BICRAL: variants seen among roughly 807,000 people sequenced by gnomAD.
The protein encoded by BICRAL is BRD4-interacting chromatin-remodeling complex-associated protein-like.
BICRAL carries 8 observed loss-of-function variants against 91.8 expected under a neutral mutation model. The observed-to-expected ratio is 0.09, with a 90% CI of 0.05 to 0.16. BICRAL has a LOEUF of 0.16. Among genes scored for constraint, BICRAL ranks in the 10% least tolerant of loss-of-function variants. BICRAL has a pLI of 1.00. For synonymous variants in BICRAL, 445 were observed against 491.1 expected (o/e 0.91, Z 1.24); for missense variants, 1,038 against 1,310.9 (o/e 0.79, Z 3.21).
chr6:42,805,214 GGAA>G (rs1763674061), intron 1 of BICRAL, among the ~76,000 whole-genome samples: 1 of 152,152 alleles, frequency 6.6e-6, no homozygotes, highest in South Asian at 2.1e-4. Flanking sequence ...ACATGGGAGA[GGAA>G]GAAGAGCATT....
chr6:42,759,020 T>C (rs551745147), intron 1 of BICRAL, among the ~76,000 whole-genome samples: 329 of 152,346 alleles, frequency 2.2e-3, no homozygotes, highest in Non-Finnish European at 3.8e-3. Context: ...CTCATTGATA[T>C]CTCGTGGAGG....
chr6:42,848,843 A>T (rs1489720441), intron 6 of BICRAL, among the ~76,000 whole-genome samples: 1 of 152,134 alleles, frequency 6.6e-6, no homozygotes. Context: ...ATGACAAAAC[A>T]ATTAATTATA....
At chr6:42,822,911 C>G (rs761545215) in intron 4 of BICRAL, 24 bp from the exon 5 acceptor site, 3 of 1,556,252 alleles carry the variant, frequency 1.9e-6, no homozygotes, top group Non-Finnish European at 2.7e-6. Context: ...GTAGTAACCA[C>G]CTATTGAATT....
intron 1 of BICRAL, among the ~76,000 whole-genome samples, chr6:42,801,938 A>G (rs543342949): frequency 1.3e-5 from 2 of 152,294 alleles, no homozygotes; most frequent in African/African-American, 4.8e-5. Flanking sequence ...TTGCATTAGG[A>G]AAAACATAAA....
At chr6:42,751,248 A>C (rs1303259807) in intron 1 of BICRAL, among the ~76,000 whole-genome samples, 1 of 151,804 alleles carries the variant, frequency 6.6e-6, no homozygotes, top group Non-Finnish European at 1.5e-5. Flanking sequence ...CATTGGCCTC[A>C]GGCGTGGGAG....
chr6:42,796,862 C>T (rs1489826210), intron 1 of BICRAL, among the ~76,000 whole-genome samples: 1 of 151,958 alleles, frequency 6.6e-6, no homozygotes, highest in African/African-American at 2.4e-5. Context: ...GCCTGACCAA[C>T]ATGGAGAACC....
chr6:42,844,150 G>A (rs931067532), intron 6 of BICRAL, among the ~76,000 whole-genome samples: 1 of 150,684 alleles, frequency 6.6e-6, no homozygotes, highest in Non-Finnish European at 1.5e-5. Flanking sequence ...AATGGACCAA[G>A]GAGAGCATAT....
Position 42,830,165 on chromosome 6 carries a change from T to A in BICRAL, c.1832T>A (p.Phe611Tyr). 1 of 1,614,048 alleles carries A rather than the reference T, an allele frequency of 6.2e-7. No individual in the cohort carries two copies. Among genetic ancestry groups the A allele is most frequent in the Non-Finnish European group, 8.5e-7 (1 of 1,179,900 alleles). Residue 611 changes from phenylalanine (F) to tyrosine (Y), a missense_variant, in exon 6 of 13, where the codon TTC becomes TAC. Physicochemically the swap from Phe to Tyr is conservative, Grantham distance 22 (BLOSUM62 3). Transcript: ENST00000314073. ...TPGTGTQQQF[F>Y]CQAQKKCLNQ... ...GGAACAGGAACCCAGCAACAATTCT[T>A]CTGCCAGGTAATGCCCTTTCCCAAA...
At chr6:42,793,318 T>G (rs1237285930) in intron 1 of BICRAL, among the ~76,000 whole-genome samples, 1 of 112,838 alleles carries the variant, frequency 8.9e-6, no homozygotes, top group Admixed American at 9.0e-5. Flanking sequence ...TTTTTTTTTT[T>G]TTTTTTTGTA....
chr6:42,844,890 CAG>C (rs753631056), intron 6 of BICRAL, among the ~76,000 whole-genome samples: 20 of 152,010 alleles, frequency 1.3e-4, no homozygotes, highest in African/African-American at 2.2e-4. Flanking sequence ...TCTTTGTAGA[CAG>C]AGGAGGGACA....
At chr6:42,849,514 A>C (rs2114008880) in intron 6 of BICRAL, among the ~76,000 whole-genome samples, 1 of 146,406 alleles carries the variant, frequency 6.8e-6, no homozygotes, top group Non-Finnish European at 1.5e-5. Context: ...ATCTTGGCTC[A>C]CTGCAAGTTC....
At chr6:42,806,864 C>T (rs1763721344) in intron 1 of BICRAL, among the ~76,000 whole-genome samples, 1 of 150,738 alleles carries the variant, frequency 6.6e-6, no homozygotes, top group South Asian at 2.1e-4. Context: ...GAGTTTTGCT[C>T]TTGTCATCCA....
intron 1 of BICRAL, among the ~76,000 whole-genome samples, chr6:42,809,884 T>G (rs1763807735): frequency 6.6e-6 from 1 of 152,144 alleles, no homozygotes; most frequent in Non-Finnish European, 1.5e-5. Flanking sequence ...CCTCCCAGGT[T>G]CAACCAATTC....
At chr6:42,863,442 A>G (rs991465148) in intron 12 of BICRAL, among the ~76,000 whole-genome samples, 1 of 152,096 alleles carries the variant, frequency 6.6e-6, no homozygotes. Context: ...TTGTCCTTCC[A>G]TATCATTTTG....
At chr6:42,771,270 CGGGCCGCCGCTG>C (rs1343165079) in intron 1 of BICRAL, among the ~76,000 whole-genome samples, 1 of 152,238 alleles carries the variant, frequency 6.6e-6, no homozygotes, top group Non-Finnish European at 1.5e-5. Flanking sequence ...CCTCCCCCTG[CGGGCCGCCGCTG>C]CGCCCGTGCA....
At chr6:42,854,501 T>C (rs1344194291) in intron 8 of BICRAL, among the ~76,000 whole-genome samples, 1 of 151,728 alleles carries the variant, frequency 6.6e-6, no homozygotes, top group African/African-American at 2.4e-5. Context: ...GCTGGGTTTT[T>C]TGTTTTGTTT....
intron 1 of BICRAL, among the ~76,000 whole-genome samples, chr6:42,775,076 G>A (rs1582808250): frequency 6.6e-6 from 1 of 152,044 alleles, no homozygotes; most frequent in African/African-American, 2.4e-5. Flanking sequence ...GGGATTACAG[G>A]TGCATGCCAC....
chr6:42,853,064 C>CAAAAAA (rs35328845), intron 7 of BICRAL, among the ~76,000 whole-genome samples: 1 of 97,712 alleles, frequency 1.0e-5, no homozygotes, highest in Non-Finnish European at 2.0e-5. Context: ...GACCTTGTCT[C>CAAAAAA]AAAAAAAAAA....
intron 1 of BICRAL, among the ~76,000 whole-genome samples, chr6:42,793,588 C>T (rs966512642): frequency 6.6e-6 from 1 of 151,418 alleles, no homozygotes; most frequent in Non-Finnish European, 1.5e-5. Context: ...CGCGCCTGAC[C>T]AGGTTGGTTT....
Sources: allele counts gnomAD v4.1 joint callset (sites outside exome capture counted in the v4.1 genomes callset), GRCh38; gene constraint gnomAD v4.1.1; transcripts MANE v1.5; gene names NCBI Gene and HGNC (gene_info 2026-07-23, HGNC 2026-07-21).